NTM: variants seen among roughly 807,000 people sequenced by gnomAD.
NTM encodes the protein IgLON family member 2.
Under a neutral mutation model 42.1 loss-of-function variants are expected in NTM, and 13 were observed. That is an observed-to-expected ratio of 0.31 (90% CI 0.20 to 0.49). The LOEUF (loss-of-function observed/expected upper bound fraction) is 0.49, where lower values mean the gene tolerates loss of function less well. NTM is among the 20% of genes least tolerant of loss of function. The pLI is 0.99. For missense variants in NTM, 373 were observed against 452.8 expected (o/e 0.82, Z 1.60); for synonymous variants, 187 against 179.2 (o/e 1.04, Z -0.35).
intron 4 of NTM, among the ~76,000 whole-genome samples, chr11:132,300,829 C>T (rs1416338928): frequency 6.6e-6 from 1 of 152,196 alleles, no homozygotes; most frequent in Non-Finnish European, 1.5e-5. Flanking sequence ...TGCTTAAATA[C>T]AAGTCTTCTT....
At chr11:131,752,410 G>A (rs1037593911) in intron 1 of NTM, among the ~76,000 whole-genome samples, 16 of 152,222 alleles carry the variant, frequency 1.1e-4, no homozygotes, top group Non-Finnish European at 4.4e-5. Context: ...AGAGGATGTG[G>A]AGAAATAGGA....
At chr11:131,827,151 G>A (rs1366341877) in intron 1 of NTM, among the ~76,000 whole-genome samples, 1 of 151,922 alleles carries the variant, frequency 6.6e-6, no homozygotes, top group African/African-American at 2.4e-5. Context: ...AAGTCTATTT[G>A]GAAAGGGGAA....
At position 131,640,520 on chromosome 11, in the gene NTM, T is replaced by C. The variant is rs541851686; in HGVS notation, c.82+269632T>C. Among the ~76,000 whole-genome samples the C allele has an allele frequency of 2.6e-5, 4 of 152,308 alleles. No homozygotes were observed. In the South Asian group the frequency reaches 8.3e-4, roughly 32 times the overall value. On this transcript the variant is annotated intron_variant, in intron 1 of 8. Coordinates refer to ENST00000683400, the MANE Select transcript of NTM (RefSeq NM_001352005.2). ...CTAATTTGCCATCTTTTTTTCTTGC[T>C]AATGAGGCTGGCTCTACCCTACTGC...
intron 2 of NTM, among the ~76,000 whole-genome samples, chr11:131,996,582 T>C (rs529534459): frequency 5.3e-5 from 8 of 152,060 alleles, no homozygotes; most frequent in Non-Finnish European, 1.2e-4. Context: ...ATGAGGCAAA[T>C]GTTTTATCTC....
intron 1 of NTM, among the ~76,000 whole-genome samples, chr11:131,622,940 C>T (rs1369380800): frequency 1.3e-5 from 2 of 152,164 alleles, no homozygotes; most frequent in East Asian, 3.8e-4. Flanking sequence ...GTACACTAGA[C>T]TTCAAATTGG....
intron 3 of NTM, among the ~76,000 whole-genome samples, chr11:132,174,293 G>T (rs2076490007): frequency 6.6e-6 from 1 of 152,134 alleles, no homozygotes; most frequent in Admixed American, 6.5e-5. Flanking sequence ...ACTTATGAAT[G>T]CCTTTTTCCC....
intron 2 of NTM, among the ~76,000 whole-genome samples, chr11:132,065,055 C>G (rs1436712305): frequency 2.0e-5 from 3 of 152,192 alleles, no homozygotes; most frequent in Non-Finnish European, 2.9e-5. Context: ...GCACATTCCA[C>G]TGGTTTGTCT....
At chr11:131,886,356 T>C (rs1311856630) in intron 1 of NTM, among the ~76,000 whole-genome samples, 1 of 152,212 alleles carries the variant, frequency 6.6e-6, no homozygotes, top group Non-Finnish European at 1.5e-5. Flanking sequence ...TTCATCCTCC[T>C]CAATGAAATT....
intron 1 of NTM, among the ~76,000 whole-genome samples, chr11:131,883,817 C>T (rs139859841): frequency 5.9e-5 from 9 of 152,090 alleles, no homozygotes; most frequent in Non-Finnish European, 1.0e-4. Flanking sequence ...CCTACCACCC[C>T]CTAAAAGTAG....
At chr11:132,034,755 C>G (rs568065728) in intron 2 of NTM, among the ~76,000 whole-genome samples, 1 of 152,206 alleles carries the variant, frequency 6.6e-6, no homozygotes, top group African/African-American at 2.4e-5. Context: ...CTATGCCCCA[C>G]TTTAACTGTG....
intron 1 of NTM, among the ~76,000 whole-genome samples, chr11:131,823,061 T>A (rs772288732): frequency 6.6e-6 from 1 of 152,164 alleles, no homozygotes; most frequent in Non-Finnish European, 1.5e-5. Flanking sequence ...CAAATGCACT[T>A]GTTCTTCAAT....
At chr11:132,317,876 T>C (rs1365017383) in intron 7 of NTM, among the ~76,000 whole-genome samples, 2 of 152,080 alleles carry the variant, frequency 1.3e-5, no homozygotes, top group Non-Finnish European at 2.9e-5. Context: ...GCTCATCCCT[T>C]GCTCTCACTC....
rs561858763 is a variant in NTM at position 131,442,670 on chromosome 11, G to A, written c.82+71782G>A. 7.9e-5 allele frequency among the ~76,000 whole-genome samples: 12 copies of A among 152,266 alleles called. No homozygotes were observed. In the South Asian group the frequency reaches 2.3e-3, roughly 29 times the overall value. The stretch of plus-strand genomic sequence containing the variant: ...TCCCACTTATAAGTGAGAACATGCA[G>A]CATTTGACTTTCTGTTTCCGAGTTA... On this transcript the variant is annotated intron_variant, in intron 1 of 8. Transcript: ENST00000683400.
intron 1 of NTM, among the ~76,000 whole-genome samples, chr11:131,441,185 C>A (rs1001173992): frequency 6.6e-6 from 1 of 152,284 alleles, no homozygotes. Context: ...TTAAGCACAG[C>A]TCTTTTTGGT....
chr11:132,116,949 T>C (rs2063985399), intron 2 of NTM, among the ~76,000 whole-genome samples: 1 of 152,204 alleles, frequency 6.6e-6, no homozygotes, highest in Non-Finnish European at 1.5e-5. Flanking sequence ...AGGGGGAAAC[T>C]ATCCATCGAG....
rs1011492738 is a variant in NTM, at chr11:132,176,356, GA to G, written c.400+29853del. On this transcript the variant is annotated intron_variant, in intron 3 of 8. Coordinates refer to ENST00000683400, the MANE Select transcript of NTM (RefSeq NM_001352005.2). ...TATGGATATAGAAGCAACTTTCCAG[GA>G]AAAAAAAAAAGAAAAAAAAAACCTG... Among the ~76,000 whole-genome samples, 109 of 94,674 alleles carry G rather than the reference GA, an allele frequency of 1.2e-3. 1 individual carries two copies. Among genetic ancestry groups the G allele is most frequent in the African/African-American group, 1.7e-3 (44 of 26,374 alleles). 62.1% of individuals were successfully genotyped at this position (94,674 alleles called of 152,430 possible). A position where few individuals can be genotyped will look rare whatever the true frequency, so the allele number is the denominator to read the frequency against.
intron 1 of NTM, among the ~76,000 whole-genome samples, chr11:131,520,631 A>C (rs746814711): frequency 6.6e-6 from 1 of 152,172 alleles, no homozygotes; most frequent in Non-Finnish European, 1.5e-5. Flanking sequence ...CAGTTGATCT[A>C]TGATGGTTAA....
chr11:131,651,124 T>C (rs1175202974), intron 1 of NTM, among the ~76,000 whole-genome samples: 5 of 152,234 alleles, frequency 3.3e-5, no homozygotes, highest in Non-Finnish European at 7.3e-5. Flanking sequence ...AAAAGTATTT[T>C]TTTAAGTTTG....
At chr11:131,963,612 C>T (rs1422159299) in intron 2 of NTM, among the ~76,000 whole-genome samples, 3 of 152,178 alleles carry the variant, frequency 2.0e-5, no homozygotes, top group Non-Finnish European at 4.4e-5. Flanking sequence ...GAGCTCTACT[C>T]CTATGTTGAG....
Sources: gnomAD v4.1 joint callset for allele counts (sites outside exome capture counted in the v4.1 genomes callset) on GRCh38, gnomAD v4.1.1 for gene constraint, MANE v1.5 for transcripts, NCBI Gene and HGNC (gene_info 2026-07-23, HGNC 2026-07-21) for gene names.